Variants in SGCZ observed in about 807,000 individuals in gnomAD.
The protein encoded by SGCZ is sarcoglycan zeta, also known as zeta-sarcoglycan.
In SGCZ, 40 loss-of-function variants were observed where a neutral mutation model predicts 41.3. The observed-to-expected ratio is 0.97, with a 90% CI of 0.75 to 1.26. The LOEUF (loss-of-function observed/expected upper bound fraction) is 1.26, where lower values mean the gene tolerates loss of function less well. SGCZ is among the 50% of genes most tolerant of loss of function. SGCZ has a pLI of 0.00. For missense variants in SGCZ, 552 were observed against 369.8 expected (o/e 1.49, Z -4.04); for synonymous variants, 206 against 137.5 (o/e 1.50, Z -3.49).
At chr8:15,025,553 G>T (rs967745850) in intron 1 of SGCZ, among the ~76,000 whole-genome samples, 1 of 152,100 alleles carries the variant, frequency 6.6e-6, no homozygotes, top group Non-Finnish European at 1.5e-5. Flanking sequence ...GTGGTCAAAG[G>T]CTTCTTAGTT....
intron 1 of SGCZ, among the ~76,000 whole-genome samples, chr8:15,173,129 C>A (rs1163185958): frequency 6.6e-6 from 1 of 152,098 alleles, no homozygotes; most frequent in Non-Finnish European, 1.5e-5. Flanking sequence ...ATTGAAAAGC[C>A]CAGGCTTGCC....
intron 4 of SGCZ, among the ~76,000 whole-genome samples, chr8:14,235,823 T>G (rs549355765): frequency 2.1e-4 from 32 of 152,292 alleles, no homozygotes; most frequent in African/African-American, 7.5e-4. Flanking sequence ...TAGCTGGGAT[T>G]ACAGGCACAC....
intron 1 of SGCZ, among the ~76,000 whole-genome samples, chr8:14,846,231 G>A (rs1803095975): frequency 6.6e-6 from 1 of 152,022 alleles, no homozygotes; most frequent in South Asian, 2.1e-4. Context: ...ATCTATGTTG[G>A]AAAGGAAGAA....
At chr8:14,119,545 T>C (rs896312338) in intron 5 of SGCZ, among the ~76,000 whole-genome samples, 1 of 152,098 alleles carries the variant, frequency 6.6e-6, no homozygotes, top group South Asian at 2.1e-4. Context: ...TAAATACACA[T>C]TCTTTCTTTC....
At chr8:14,867,566 C>A (rs1043322902) in intron 1 of SGCZ, among the ~76,000 whole-genome samples, 2 of 152,166 alleles carry the variant, frequency 1.3e-5, no homozygotes, top group Admixed American at 1.3e-4. Context: ...TACACTCCCA[C>A]CAAGTGCGTA....
intron 1 of SGCZ, among the ~76,000 whole-genome samples, chr8:14,927,171 C>G (rs1015389642): frequency 7.2e-6 from 1 of 138,212 alleles, no homozygotes; most frequent in East Asian, 2.2e-4. Flanking sequence ...TGCAATGGCG[C>G]GATCTCGGCT....
chr8:15,233,459 C>G (rs1257328886), intron 1 of SGCZ, among the ~76,000 whole-genome samples: 2 of 151,350 alleles, frequency 1.3e-5, no homozygotes, highest in African/African-American at 4.8e-5. Flanking sequence ...TAATCAATCT[C>G]TTGTTTAAAT....
At chr8:15,228,558 T>C (rs1295396047) in intron 1 of SGCZ, among the ~76,000 whole-genome samples, 2 of 152,198 alleles carry the variant, frequency 1.3e-5, no homozygotes, top group African/African-American at 4.8e-5. Context: ...AAATAGCTCA[T>C]TTATTTTTAA....
chr8:14,382,493 A>G (rs2117194559), intron 2 of SGCZ, among the ~76,000 whole-genome samples: 1 of 152,228 alleles, frequency 6.6e-6, no homozygotes. Context: ...TAAATGTGGG[A>G]TGATTATATA....
At chr8:15,221,865 C>G (rs1265004665) in intron 1 of SGCZ, among the ~76,000 whole-genome samples, 2 of 152,148 alleles carry the variant, frequency 1.3e-5, no homozygotes, top group South Asian at 4.1e-4. Context: ...TTGCTCAGTA[C>G]TTCAAAAAAT....
Position 14,634,760 on chromosome 8 carries a change from CAAGA to C in SGCZ, c.40-79838_40-79835del, listed in dbSNP as rs10610216. Among the ~76,000 whole-genome samples the C allele has an allele frequency of 2.1e-3, 323 of 151,640 alleles. 1 individual carries two copies. Among genetic ancestry groups the C allele is most frequent in the Middle Eastern group, 6.8e-3 (2 of 292 alleles). On this transcript the variant is annotated intron_variant, in intron 1 of 7. Transcript: ENST00000382080. ...AAACTTTTCCTGACTTTTCTAAGAACAAGAAAGAAATATCAAAGCCTAAAGGAAT... is the reference window on the plus strand; with the variant it reads ...AAACTTTTCCTGACTTTTCTAAGAACAAGAAATATCAAAGCCTAAAGGAAT...
chr8:14,645,066 A>T (rs1442812648), intron 1 of SGCZ, among the ~76,000 whole-genome samples: 1 of 151,672 alleles, frequency 6.6e-6, no homozygotes, highest in African/African-American at 2.4e-5. Flanking sequence ...AAGGCTTAGG[A>T]ATTTTTATAT....
At chr8:14,729,077 T>G (rs1346145853) in intron 1 of SGCZ, among the ~76,000 whole-genome samples, 2 of 152,188 alleles carry the variant, frequency 1.3e-5, no homozygotes, top group Non-Finnish European at 2.9e-5. Context: ...AAAATTCATA[T>G]TACCATGTGA....
At chr8:14,232,410 ACT>A (rs1806604341) in intron 4 of SGCZ, among the ~76,000 whole-genome samples, 1 of 152,044 alleles carries the variant, frequency 6.6e-6, no homozygotes, top group Non-Finnish European at 1.5e-5. Context: ...GAAAAAGGAA[ACT>A]CATAATAAAT....
chr8:15,145,166 A>G (rs1277198697), intron 1 of SGCZ, among the ~76,000 whole-genome samples: 6 of 152,208 alleles, frequency 3.9e-5, no homozygotes, highest in African/African-American at 1.4e-4. Flanking sequence ...TGTGAAGGTT[A>G]TAACTAATTC....
intron 1 of SGCZ, among the ~76,000 whole-genome samples, chr8:14,612,573 T>C (rs1377701588): frequency 2.0e-5 from 3 of 152,180 alleles, no homozygotes; most frequent in Non-Finnish European, 4.4e-5. Context: ...AGAACCTAGA[T>C]TATTTTCCCC....
At position 14,559,763 on chromosome 8, in the gene SGCZ, A is replaced by C. The variant is rs117474450; in HGVS notation, c.40-4837T>G. ...AAGCTATTAAAATATCATAATTTTA[A>C]ATGAATTGGAAACGCTGATAACGGT... On this transcript the variant is annotated intron_variant, in intron 1 of 7. Transcript: ENST00000382080. Among the ~76,000 whole-genome samples, 263 of 152,270 alleles carry C rather than the reference A, an allele frequency of 1.7e-3. 8 individuals carry two copies. The East Asian group carries it at 0.044, about 26-fold the overall frequency.
chr8:15,135,807 T>C (rs1026031207), intron 1 of SGCZ, among the ~76,000 whole-genome samples: 1 of 152,126 alleles, frequency 6.6e-6, no homozygotes, highest in African/African-American at 2.4e-5. Flanking sequence ...GCAACTTTTA[T>C]TGAAGTGGTA....
rs531891921 is a variant in SGCZ at position 14,333,465 on chromosome 8, G to C, written c.235-9261C>G. 5.9e-5 allele frequency among the ~76,000 whole-genome samples: 9 copies of C among 152,060 alleles called. No individual in the cohort carries two copies. The East Asian group carries it at 1.4e-3, about 23-fold the overall frequency. ...AATAAAGACTAAAGGTTCACTATTA[G>C]CATGCTTGTCTTTCCCAACTGTGCT... On this transcript the variant is annotated intron_variant, in intron 2 of 7. Transcript: ENST00000382080.
Sources: gnomAD v4.1 joint callset for allele counts (sites outside exome capture counted in the v4.1 genomes callset) on GRCh38, gnomAD v4.1.1 for gene constraint, MANE v1.5 for transcripts, NCBI Gene and HGNC (gene_info 2026-07-23, HGNC 2026-07-21) for gene names.